Variants in PTPRD observed in about 807,000 individuals in gnomAD.
PTPRD encodes the protein receptor-type tyrosine-protein phosphatase delta.
In PTPRD, 34 loss-of-function variants were observed where a neutral mutation model predicts 214.5. The ratio of observed to expected loss-of-function variants is 0.16; its 90% confidence interval spans 0.12 to 0.21. The LOEUF (loss-of-function observed/expected upper bound fraction) is 0.21, where lower values mean the gene tolerates loss of function less well. PTPRD is among the 10% of genes least tolerant of loss of function. The pLI is 1.00. For synonymous variants in PTPRD, 1,128 were observed against 845.7 expected (o/e 1.33, Z -5.79); for missense variants, 2,545 against 2,398.7 (o/e 1.06, Z -1.27).
In PTPRD at chr9:10,171,093, G is replaced by A. The variant is rs531154933; in HGVS notation, c.-544-137303C>T. On this transcript the variant is annotated intron_variant, in intron 3 of 45. Coordinates refer to ENST00000381196, the MANE Select transcript of PTPRD (RefSeq NM_002839.4). ...GACAAATGCCCCAAACAGCAACAAT[G>A]TACATTTATAAAGCCCCATTTACTG... Among the ~76,000 whole-genome samples the A allele has an allele frequency of 1.4e-4, 22 of 152,258 alleles. 1 individual carries two copies. In the South Asian group the frequency reaches 4.4e-3, roughly 30 times the overall value.
intron 11 of PTPRD, among the ~76,000 whole-genome samples, chr9:8,881,992 C>T (rs2098449878): frequency 6.6e-6 from 1 of 152,072 alleles, no homozygotes; most frequent in East Asian, 1.9e-4. Context: ...TGACTGTTGT[C>T]AAACAGGCTG....
chr9:8,360,130 G>C (rs1029053987), intron 39 of PTPRD, among the ~76,000 whole-genome samples: 1 of 152,144 alleles, frequency 6.6e-6, no homozygotes, highest in Non-Finnish European at 1.5e-5. Context: ...TAAATGAGTT[G>C]TTTCTGTAAA....
chr9:8,495,725 T>C (rs548840999), intron 26 of PTPRD, among the ~76,000 whole-genome samples: 4 of 152,340 alleles, frequency 2.6e-5, no homozygotes, highest in African/African-American at 9.6e-5. Context: ...ATGTATTTCT[T>C]ACTGTGAGTT....
intron 8 of PTPRD, among the ~76,000 whole-genome samples, chr9:9,458,416 A>T (rs181638146): frequency 1.2e-4 from 18 of 152,176 alleles, no homozygotes; most frequent in Admixed American, 1.1e-3. Flanking sequence ...AAAATTGTAA[A>T]TGGTTTTGAT....
chr9:10,203,907 G>C (rs2099448909), intron 3 of PTPRD, among the ~76,000 whole-genome samples: 1 of 152,080 alleles, frequency 6.6e-6, no homozygotes, highest in Non-Finnish European at 1.5e-5. Flanking sequence ...AAATTTGCAA[G>C]GGCAAAGTTG....
At chr9:9,743,437 G>C (rs892144029) in intron 6 of PTPRD, among the ~76,000 whole-genome samples, 1 of 151,986 alleles carries the variant, frequency 6.6e-6, no homozygotes, top group Non-Finnish European at 1.5e-5. Context: ...AATGTTATAA[G>C]GATTAAATAA....
chr9:10,355,628 A>G (rs1360997131), intron 2 of PTPRD, among the ~76,000 whole-genome samples: 1 of 151,788 alleles, frequency 6.6e-6, no homozygotes, highest in Non-Finnish European at 1.5e-5. Context: ...ACAGGCATGC[A>G]CGACCATGTC....
At chr9:8,959,152 T>G (rs2099146408) in intron 11 of PTPRD, among the ~76,000 whole-genome samples, 1 of 152,016 alleles carries the variant, frequency 6.6e-6, no homozygotes, top group African/African-American at 2.4e-5. Context: ...CCTTCATTCA[T>G]TCATTTATCA....
chr9:8,374,379 G>A (rs1470427479), intron 39 of PTPRD, among the ~76,000 whole-genome samples: 2 of 151,866 alleles, frequency 1.3e-5, no homozygotes, highest in Non-Finnish European at 2.9e-5. Flanking sequence ...GATCAAACTA[G>A]CACCTGAATT....
At chr9:10,270,916 G>C (rs1207121968) in intron 3 of PTPRD, among the ~76,000 whole-genome samples, 4 of 151,954 alleles carry the variant, frequency 2.6e-5, no homozygotes, top group Non-Finnish European at 5.9e-5. Flanking sequence ...CTGCAGTCTT[G>C]AACTCCTGAG....
chr9:9,376,160 A>G (rs1192059324), intron 9 of PTPRD, among the ~76,000 whole-genome samples: 2 of 152,104 alleles, frequency 1.3e-5, no homozygotes, highest in African/African-American at 4.8e-5. Flanking sequence ...AAACCATTGA[A>G]TAATTTGTGT....
chr9:8,909,707 G>T (rs1330463861), intron 11 of PTPRD, among the ~76,000 whole-genome samples: 2 of 151,868 alleles, frequency 1.3e-5, no homozygotes, highest in Admixed American at 1.3e-4. Flanking sequence ...TTTTATTCAA[G>T]ATTATTCTGG....
At chr9:9,846,668 T>A (rs894247538) in intron 5 of PTPRD, among the ~76,000 whole-genome samples, 1 of 152,114 alleles carries the variant, frequency 6.6e-6, no homozygotes, top group Non-Finnish European at 1.5e-5. Context: ...TGGAAACTTA[T>A]TTTTAAGAAA....
chr9:8,461,725 T>C (rs1189791616), intron 32 of PTPRD, among the ~76,000 whole-genome samples: 6 of 152,046 alleles, frequency 3.9e-5, no homozygotes, highest in Non-Finnish European at 8.8e-5. Flanking sequence ...AATTTTGAAT[T>C]AAACCAGTCC....
At chr9:9,072,283 ACAC>A (rs1253200666) in intron 10 of PTPRD, among the ~76,000 whole-genome samples, 6 of 100,738 alleles carry the variant, frequency 6.0e-5, no homozygotes, top group African/African-American at 2.5e-4. Flanking sequence ...GGCAACTTAC[ACAC>A]ACACACACAC....
chr9:8,821,083 G>C (rs971876573), intron 11 of PTPRD, among the ~76,000 whole-genome samples: 10 of 152,152 alleles, frequency 6.6e-5, no homozygotes, highest in Non-Finnish European at 1.3e-4. Context: ...GTGAAAAAAG[G>C]TATGATCAGC....
At chr9:10,398,200 G>A (rs780323984) in intron 2 of PTPRD, among the ~76,000 whole-genome samples, 9 of 151,476 alleles carry the variant, frequency 5.9e-5, no homozygotes, top group Admixed American at 2.6e-4. Context: ...ACAACACAGC[G>A]AGACCCTGTC....
At chr9:9,125,722 G>C (rs915837013) in intron 10 of PTPRD, among the ~76,000 whole-genome samples, 3 of 152,072 alleles carry the variant, frequency 2.0e-5, no homozygotes, top group African/African-American at 7.2e-5. Flanking sequence ...CAAGCACTAG[G>C]TACAATTATG....
chr9:10,370,270 T>C (rs1400028825), intron 2 of PTPRD, among the ~76,000 whole-genome samples: 1 of 152,102 alleles, frequency 6.6e-6, no homozygotes, highest in African/African-American at 2.4e-5. Context: ...ATGTAATCAG[T>C]GAAAGGAAGT....
Sources: allele counts gnomAD v4.1 joint callset (sites outside exome capture counted in the v4.1 genomes callset), GRCh38; gene constraint gnomAD v4.1.1; transcripts MANE v1.5; gene names NCBI Gene and HGNC (gene_info 2026-07-23, HGNC 2026-07-21).